Variants in WT1 observed in about 807,000 individuals in gnomAD.
The protein encoded by WT1 is WT1 transcription factor.
In WT1, 8 loss-of-function variants were observed where a neutral mutation model predicts 60.8. The observed-to-expected ratio is 0.13, with a 90% CI of 0.08 to 0.24. The LOEUF (loss-of-function observed/expected upper bound fraction) is 0.24, where lower values mean the gene tolerates loss of function less well. Among genes scored for constraint, WT1 ranks in the 10% least tolerant of loss-of-function variants. WT1 has a pLI of 1.00. For synonymous variants in WT1, 312 were observed against 297.1 expected (o/e 1.05, Z -0.52); for missense variants, 568 against 711.8 (o/e 0.80, Z 2.30).
chr11:32,420,967 G>A (rs1446018008), intron 3 of WT1, among the ~76,000 whole-genome samples: 1 of 152,172 alleles, frequency 6.6e-6, no homozygotes, highest in East Asian at 1.9e-4. Context: ...CTACTAATAG[G>A]TTTCCTGAGG....
intron 3 of WT1, among the ~76,000 whole-genome samples, chr11:32,424,513 G>A (rs991211096): frequency 2.0e-5 from 3 of 152,290 alleles, no homozygotes; most frequent in East Asian, 3.9e-4. Context: ...ATCCAACAAT[G>A]ATCACTGGGT....
At chr11:32,430,920 CG>C in intron 1 of WT1, 3 of 1,053,362 alleles carry the variant, frequency 2.8e-6, no homozygotes, top group Non-Finnish European at 2.3e-6. Context: ...GCGGAGAGTG[CG>C]GGGGCAGGGG....
At chr11:32,430,555 T>C (rs1853267515) in intron 1 of WT1, 2 of 1,605,174 alleles carry the variant, frequency 1.2e-6, no homozygotes, top group Non-Finnish European at 1.7e-6. Context: ...AGCCCAGGAG[T>C]AGGCAGGGAC....
chr11:32,388,155 C>T lies in WT1; in HGVS notation c.*903G>A, dbSNP rs5030325. The T allele has an allele frequency of 2.5e-3, 588 of 233,778 alleles. 4 individuals are homozygous for T. The highest frequency in any genetic ancestry group is 0.012 in the African/African-American group (554 of 45,366). 14.5% of individuals were successfully genotyped at this position (233,778 alleles called of 1,614,324 possible). A position where few individuals can be genotyped will look rare whatever the true frequency, so the allele number is the denominator to read the frequency against. On this transcript the variant is annotated 3_prime_UTR_variant, in exon 10 of 10. Coordinates refer to ENST00000452863, the MANE Select transcript of WT1 (RefSeq NM_024426.6). ...CAGTCTTATCAGTGGAGATCCTGGA[C>T]CATCCCCTATTTTCTTTTAAAGTCA...
Position 32,435,419 on chromosome 11 carries a change from G to A in WT1, c.-59C>T. The A allele has an allele frequency of 1.8e-6, 2 of 1,103,862 alleles. No homozygotes were observed. The highest frequency in any genetic ancestry group is 2.5e-6 in the Non-Finnish European group (2 of 803,258). 68.4% of individuals were successfully genotyped at this position (1,103,862 alleles called of 1,614,324 possible). On this transcript the variant is annotated 5_prime_UTR_variant, in exon 1 of 10. Transcript: ENST00000452863. The stretch of plus-strand genomic sequence containing the variant: ...CTGGGCTGCCGTCCCGGCTCTGGGT[G>A]GGTGGGTGGGTGAATGAGTAGGTGG...
At chr11:32,399,702 C>G (rs927294467) in intron 6 of WT1, among the ~76,000 whole-genome samples, 1 of 152,224 alleles carries the variant, frequency 6.6e-6, no homozygotes, top group Non-Finnish European at 1.5e-5. Context: ...GCAGTAAAGG[C>G]AGAAAGGAGA....
chr11:32,397,116 T>G (rs1021292926), intron 6 of WT1, among the ~76,000 whole-genome samples: 7 of 152,136 alleles, frequency 4.6e-5, no homozygotes, highest in Admixed American at 4.6e-4. Context: ...GGAAGTGCAG[T>G]GTGTGTGTTG....
intron 5 of WT1, among the ~76,000 whole-genome samples, chr11:32,410,565 G>A (rs549542166): frequency 4.3e-4 from 66 of 151,980 alleles, no homozygotes; most frequent in Non-Finnish European, 7.5e-4. Context: ...ACCTCAAAAT[G>A]TTTTTTTAAA....
At chr11:32,398,689 C>A (rs1438270855) in intron 6 of WT1, among the ~76,000 whole-genome samples, 1 of 151,998 alleles carries the variant, frequency 6.6e-6, no homozygotes, top group Non-Finnish European at 1.5e-5. Flanking sequence ...TTCAGTTTCC[C>A]CATCCATGAA....
intron 5 of WT1, among the ~76,000 whole-genome samples, chr11:32,411,810 G>A (rs1852506581): frequency 6.6e-6 from 1 of 152,132 alleles, no homozygotes; most frequent in African/African-American, 2.4e-5. Context: ...ATCAAACCCT[G>A]GAGTCCCATT....
chr11:32,398,957 C>A (rs1015156822), intron 6 of WT1, among the ~76,000 whole-genome samples: 11 of 150,594 alleles, frequency 7.3e-5, no homozygotes, highest in East Asian at 1.9e-4. Context: ...GAGATCAAGA[C>A]CATCCTGGCT....
In WT1 at chr11:32,416,507, C is replaced by G; in HGVS notation, c.999G>C (p.Trp333Cys). 6.2e-7 allele frequency: 1 copy of G among 1,614,118 alleles called. No individual in the cohort carries two copies. Among genetic ancestry groups the G allele is most frequent in the Non-Finnish European group, 8.5e-7 (1 of 1,180,012 alleles). The change falls in exon 5 of 10, where the codon TGG (tryptophan) becomes TGC (cysteine). Residue 333 changes from tryptophan to cysteine, a missense_variant. Coordinates refer to ENST00000452863, the MANE Select transcript of WT1 (RefSeq NM_024426.6). ...CCACTCACTTGCTCTGCCCTTCTGT[C>G]CATTTCACTGAGCTGGAGCTCCCAG...
At chr11:32,412,926 A>G (rs1404748212) in intron 5 of WT1, among the ~76,000 whole-genome samples, 1 of 152,016 alleles carries the variant, frequency 6.6e-6, no homozygotes, top group East Asian at 1.9e-4. Flanking sequence ...CCCACCTCTA[A>G]CACAGCAAGT....
intron 5 of WT1, among the ~76,000 whole-genome samples, chr11:32,405,490 A>G (rs10835902): frequency 0.16 from 24,407 of 148,650 alleles, 3,115 homozygotes; most frequent in East Asian, 0.65. Flanking sequence ...TATGTTATAT[A>G]TAATATATTC....
chr11:32,432,753 G>A (rs72893525), intron 1 of WT1, among the ~76,000 whole-genome samples: 3,103 of 152,248 alleles, frequency 0.02, 43 homozygotes, highest in Admixed American at 0.035. Flanking sequence ...CACCCCCCAC[G>A]ACATGTGATA....
Position 32,392,533 on chromosome 11 carries a change from A to G in WT1, c.1354+133T>C. 4 of 878,022 alleles carry G rather than the reference A, an allele frequency of 4.6e-6. No individual in the cohort carries two copies. The South Asian group carries it at 5.7e-5, about 12-fold the overall frequency. The allele number at this position is 878,022 out of a possible 1,614,324, so 54.4% of individuals were successfully genotyped here. A position where few individuals can be genotyped will look rare whatever the true frequency, so the allele number is the denominator to read the frequency against. On this transcript the variant is annotated intron_variant, in intron 8 of 9. Transcript: ENST00000452863. ...AAGAGGAGGAACATCTCCAGAGATT[A>G]TGGGGGGAAAATACTGGAAAAACTA...
chr11:32,420,051 T>C (rs1227505829), intron 3 of WT1, among the ~76,000 whole-genome samples: 1 of 152,206 alleles, frequency 6.6e-6, no homozygotes, highest in Non-Finnish European at 1.5e-5. Context: ...AAATACAAGG[T>C]CTATGTCTTA....
At chr11:32,400,065 A>G (rs745911185) in intron 5 of WT1, 21 bp from the exon 6 acceptor site, 3 of 1,613,822 alleles carry the variant, frequency 1.9e-6, no homozygotes, top group South Asian at 2.2e-5. Flanking sequence ...AAAGAAGGGA[A>G]AAAGGCTCAG....
chr11:32,418,195 C>T (rs545700716), intron 3 of WT1, among the ~76,000 whole-genome samples: 145 of 146,302 alleles, frequency 9.9e-4, no homozygotes, highest in Middle Eastern at 7.3e-3. Context: ...CTATGCACAG[C>T]GGAAGGAATC....
Sources: gnomAD v4.1 joint callset for allele counts (sites outside exome capture counted in the v4.1 genomes callset) on GRCh38, gnomAD v4.1.1 for gene constraint, MANE v1.5 for transcripts, NCBI Gene and HGNC (gene_info 2026-07-23, HGNC 2026-07-21) for gene names.